PPFIA2: variants seen among roughly 807,000 people sequenced by gnomAD.
PPFIA2 encodes the protein liprin-alpha-2.
In PPFIA2, 46 loss-of-function variants were observed where a neutral mutation model predicts 175.5. The observed-to-expected ratio is 0.26, with a 90% CI of 0.21 to 0.34. The LOEUF (loss-of-function observed/expected upper bound fraction) is 0.34. Among genes scored for constraint, PPFIA2 ranks in the 10% least tolerant of loss-of-function variants. PPFIA2 has a pLI of 1.00. For synonymous variants in PPFIA2, 568 were observed against 511.4 expected, an observed-to-expected ratio of 1.11 and a Z score of -1.49; for missense variants, 1,179 against 1,506.1, an observed-to-expected ratio of 0.78 and a Z score of 3.60.
At chr12:81,473,357 C>T (rs952734175) in intron 4 of PPFIA2, among the ~76,000 whole-genome samples, 13 of 152,012 alleles carry the variant, frequency 8.6e-5, no homozygotes, top group African/African-American at 2.4e-4. Flanking sequence ...TGCAGTGAGC[C>T]GAGATTGAGC....
chr12:81,618,306 T>C (rs2061619400), intron 4 of PPFIA2, among the ~76,000 whole-genome samples: 2 of 152,112 alleles, frequency 1.3e-5, no homozygotes, highest in South Asian at 4.1e-4. Context: ...ATATATTTTT[T>C]TCTGTTTTAT....
At chr12:81,628,037 T>C (rs1427389307) in intron 4 of PPFIA2, among the ~76,000 whole-genome samples, 1 of 152,212 alleles carries the variant, frequency 6.6e-6, no homozygotes. Flanking sequence ...TGATTATTTA[T>C]TAATTTTTAA....
At chr12:81,412,250 G>T (rs1001695456) in intron 7 of PPFIA2, among the ~76,000 whole-genome samples, 1 of 145,842 alleles carries the variant, frequency 6.9e-6, no homozygotes. Flanking sequence ...ATATTCATTT[G>T]ATCACTGTTC....
At chr12:81,367,306 A>T (rs2033776690) in intron 13 of PPFIA2, 136 bp from the exon 14 acceptor site, 1 of 598,342 alleles carries the variant, frequency 1.7e-6, no homozygotes, top group Admixed American at 4.6e-5. Flanking sequence ...TTTCCATGGA[A>T]ACCATGCTTT....
chr12:81,723,073 G>A (rs1243862841), intron 3 of PPFIA2, among the ~76,000 whole-genome samples: 2 of 150,908 alleles, frequency 1.3e-5, no homozygotes, highest in African/African-American at 2.4e-5. Context: ...AAAGTCTAAA[G>A]GCACAAGTGC....
chr12:81,301,470 T>C (rs1754431860), intron 22 of PPFIA2, among the ~76,000 whole-genome samples: 2 of 152,158 alleles, frequency 1.3e-5, no homozygotes, highest in South Asian at 4.1e-4. Flanking sequence ...TTTTAAATAT[T>C]AGAACGCTTT....
intron 4 of PPFIA2, among the ~76,000 whole-genome samples, chr12:81,566,050 T>C (rs1399336519): frequency 6.6e-6 from 1 of 152,152 alleles, no homozygotes; most frequent in East Asian, 1.9e-4. Context: ...CAAAAGTCAA[T>C]GTATTCAAAA....
At chr12:81,366,274 C>G (rs1385975134) in intron 14 of PPFIA2, among the ~76,000 whole-genome samples, 3 of 151,502 alleles carry the variant, frequency 2.0e-5, no homozygotes, top group African/African-American at 4.8e-5. Flanking sequence ...TTAGCAATTA[C>G]CATTAAAATT....
At chr12:81,533,791 G>GTA (rs556441301) in intron 4 of PPFIA2, among the ~76,000 whole-genome samples, 109 of 150,296 alleles carry the variant, frequency 7.3e-4, no homozygotes, top group African/African-American at 2.3e-3. Context: ...ACAAATGTGT[G>GTA]TATATATATG....
chr12:81,414,753 A>AAC (rs2044628251), intron 7 of PPFIA2, among the ~76,000 whole-genome samples: 1 of 151,598 alleles, frequency 6.6e-6, no homozygotes, highest in African/African-American at 2.4e-5. Flanking sequence ...ATGAAGTTGA[A>AAC]ACACACACAC....
chr12:81,663,359 A>G (rs528556997), intron 4 of PPFIA2, among the ~76,000 whole-genome samples: 37 of 152,350 alleles, frequency 2.4e-4, no homozygotes, highest in African/African-American at 8.9e-4. Context: ...TACAAAATCA[A>G]TCTGCAAAAA....
intron 4 of PPFIA2, among the ~76,000 whole-genome samples, chr12:81,622,024 C>CA (rs920442136): frequency 3.9e-5 from 6 of 152,028 alleles, no homozygotes; most frequent in Non-Finnish European, 8.8e-5. Flanking sequence ...AAGGAAGTAG[C>CA]AAAAAATCAT....
chr12:81,505,882 A>G (rs1172700533), intron 4 of PPFIA2: 1 of 152,250 alleles, frequency 6.6e-6, no homozygotes, highest in Non-Finnish European at 1.5e-5. Flanking sequence ...TTCCTGGTAC[A>G]TGCAGATGGT....
At chr12:81,271,023 T>G (rs1176526464) in intron 28 of PPFIA2, among the ~76,000 whole-genome samples, 5 of 152,242 alleles carry the variant, frequency 3.3e-5, no homozygotes, top group Admixed American at 6.5e-5. Context: ...AATATTTGCA[T>G]GTATACCTCA....
At chr12:81,348,593 A>G (rs555067488) in intron 17 of PPFIA2, among the ~76,000 whole-genome samples, 164 of 151,972 alleles carry the variant, frequency 1.1e-3, no homozygotes, top group Non-Finnish European at 1.1e-3. Flanking sequence ...AAAATCAGCC[A>G]GGCATGGTGG....
intron 17 of PPFIA2, among the ~76,000 whole-genome samples, chr12:81,352,145 G>A (rs1566366040): frequency 6.6e-6 from 1 of 152,002 alleles, no homozygotes; most frequent in Admixed American, 6.6e-5. Flanking sequence ...CAAAGTGACT[G>A]TATTTGAAAA....
chr12:81,696,850 ATC>A (rs1388568792), intron 3 of PPFIA2, among the ~76,000 whole-genome samples: 1 of 151,970 alleles, frequency 6.6e-6, no homozygotes, highest in Admixed American at 6.6e-5. Context: ...GACCTATATG[ATC>A]CCCCGCTACT....
chr12:81,440,955 C>T (rs1321635880), intron 6 of PPFIA2, among the ~76,000 whole-genome samples: 1 of 150,858 alleles, frequency 6.6e-6, no homozygotes, highest in Non-Finnish European at 1.5e-5. Context: ...GGTGGGTTTT[C>T]GATTATTTAT....
chr12:81,299,345 G>T lies in PPFIA2; in HGVS notation c.2680C>A (p.Pro894Thr). 6.3e-7 allele frequency: 1 copy of T among 1,596,388 alleles called. No homozygotes were observed. The highest frequency in any genetic ancestry group is 8.5e-7 in the Non-Finnish European group (1 of 1,170,726). Reference sequence around the variant, plus strand: ...GTTGGCCCATCCCACTGGGCAAAAGGTAATCCCTTTCTCCGAGCTTCTTCA... The same window carrying T: ...GTTGGCCCATCCCACTGGGCAAAAGTTAATCCCTTTCTCCGAGCTTCTTCA... ...LLEEARRKGL[P>T]FAQWDGPTVV... The change falls in exon 23 of 33, where the codon CCT becomes ACT. Residue 894 changes from proline (P) to threonine (T), a missense_variant. Physicochemically the swap from Pro to Thr is conservative, Grantham distance 38. Around this residue, in one of 10 missense-constraint regions of PPFIA2, gnomAD observed 44 missense variants for 81.3 expected, o/e 0.54. Coordinates refer to ENST00000549396, the MANE Select transcript of PPFIA2 (RefSeq NM_003625.5).
Sources: gnomAD v4.1 joint callset for allele counts (sites outside exome capture counted in the v4.1 genomes callset) on GRCh38, gnomAD v4.1.1 for gene constraint, gnomAD v4.1.1 regional missense constraint, MANE v1.5 for transcripts, NCBI Gene and HGNC (gene_info 2026-07-23, HGNC 2026-07-21) for gene names.